The following PHACTR3 variants were observed in gnomAD, a reference collection of about 807,000 sequenced individuals.
PHACTR3 encodes phosphatase and actin regulator 3.
Under a neutral mutation model 66.8 loss-of-function variants are expected in PHACTR3, and 16 were observed. The ratio of observed to expected loss-of-function variants is 0.24; its 90% CI spans 0.16 to 0.36. The LOEUF (loss-of-function observed/expected upper bound fraction) is 0.36. Among genes scored for constraint, PHACTR3 ranks in the 10% least tolerant of loss-of-function variants. The probability of loss-of-function intolerance (pLI) is 1.00; values close to 1 mark genes in which losing one functional copy is unlikely to be tolerated. For synonymous variants in PHACTR3, 323 were observed against 292.1 expected (o/e 1.11, Z -1.08); for missense variants, 647 against 719.9 (o/e 0.90, Z 1.16).
intron 1 of PHACTR3, among the ~76,000 whole-genome samples, chr20:59,675,438 AG>A (rs2036421658): frequency 6.6e-6 from 1 of 152,080 alleles, no homozygotes; most frequent in African/African-American, 2.4e-5. Flanking sequence ...TTGGGGTGTC[AG>A]GGGGCAACTA....
chr20:59,686,544 C>T (rs1282438372), intron 1 of PHACTR3, among the ~76,000 whole-genome samples: 4 of 113,710 alleles, frequency 3.5e-5, no homozygotes, highest in Admixed American at 8.2e-5. Context: ...TGATGATGGT[C>T]GTGATGATGA....
chr20:59,827,719 C>T (rs570603865), intron 8 of PHACTR3, among the ~76,000 whole-genome samples: 3 of 152,160 alleles, frequency 2.0e-5, no homozygotes, highest in Admixed American at 6.5e-5. Context: ...ACATATTTCT[C>T]CTGCAGGGTG....
intron 4 of PHACTR3, 25 bp downstream of exon 4, chr20:59,755,389 T>C: frequency 6.2e-7 from 1 of 1,608,874 alleles, no homozygotes. Context: ...CCACGCGAAG[T>C]TGAGCTGCTC....
intron 1 of PHACTR3, among the ~76,000 whole-genome samples, chr20:59,636,813 G>A (rs958590480): frequency 6.6e-6 from 1 of 152,194 alleles, no homozygotes; most frequent in African/African-American, 2.4e-5. Flanking sequence ...GAGCAAAGAT[G>A]ATAAACAGAA....
upstream of PHACTR3, among the ~76,000 whole-genome samples, chr20:59,602,219 A>G (rs2033497114): frequency 6.6e-6 from 1 of 152,072 alleles, no homozygotes; most frequent in Non-Finnish European, 1.5e-5. Flanking sequence ...GGTCCCCCCC[A>G]CCAATGCCAG....
intron 1 of PHACTR3, among the ~76,000 whole-genome samples, chr20:59,619,388 G>A (rs1200771504): frequency 6.6e-6 from 1 of 152,132 alleles, no homozygotes; most frequent in Non-Finnish European, 1.5e-5. Flanking sequence ...ACCTCTAGGA[G>A]CTGAGAGTGG....
intron 1 of PHACTR3, among the ~76,000 whole-genome samples, chr20:59,672,440 G>A (rs565058251): frequency 1.1e-4 from 16 of 152,264 alleles, no homozygotes; most frequent in Admixed American, 5.9e-4. Context: ...CTCAGTGGTC[G>A]GGGTTGCAGC....
upstream of PHACTR3, among the ~76,000 whole-genome samples, chr20:59,603,225 G>A (rs1432269761): frequency 2.0e-5 from 3 of 152,010 alleles, no homozygotes; most frequent in Admixed American, 6.5e-5. Flanking sequence ...GACCATTCTC[G>A]GCTTCACCCT....
chr20:59,688,736 T>G (rs1281092112), intron 1 of PHACTR3, among the ~76,000 whole-genome samples: 1 of 152,208 alleles, frequency 6.6e-6, no homozygotes, highest in East Asian at 1.9e-4. Flanking sequence ...ACATCGTTGT[T>G]TGGAACACAG....
chr20:59,747,509 T>C (rs1024640781), intron 2 of PHACTR3, among the ~76,000 whole-genome samples: 20 of 152,222 alleles, frequency 1.3e-4, no homozygotes, highest in African/African-American at 4.8e-4. Context: ...TCCAGATAAA[T>C]CACAGAAATG....
chr20:59,768,377 C>T (rs750392011), intron 5 of PHACTR3, among the ~76,000 whole-genome samples: 4 of 152,190 alleles, frequency 2.6e-5, no homozygotes, highest in Admixed American at 1.3e-4. Flanking sequence ...TGATTAACCA[C>T]CATCAATAAT....
intron 9 of PHACTR3, among the ~76,000 whole-genome samples, chr20:59,839,286 A>C (rs935204773): frequency 6.6e-6 from 1 of 152,220 alleles, no homozygotes; most frequent in African/African-American, 2.4e-5. Context: ...GGATTTCATT[A>C]CCTTTTCTAA....
At chr20:59,665,476 G>C (rs560149896) in intron 1 of PHACTR3, among the ~76,000 whole-genome samples, 1 of 152,286 alleles carries the variant, frequency 6.6e-6, no homozygotes, top group African/African-American at 2.4e-5. Flanking sequence ...TTAGCACCTT[G>C]CTCAAGCCAA....
At position 59,605,102 on chromosome 20, in the gene PHACTR3, ACCT is replaced by A. The variant is rs1434908743; in HGVS notation, c.94_96del (p.Ser32del). Reference sequence around the variant, plus strand: ...CAGCGTCCTCACCGACTCCTCGGCCACCTCCTCCGCGGACGCCGGGGAGAACCC... The same window carrying A: ...CAGCGTCCTCACCGACTCCTCGGCCACCTCCGCGGACGCCGGGGAGAACCC... On this transcript the variant is annotated inframe_deletion, in exon 1 of 13. Transcript: ENST00000371015. 41 of 1,351,310 alleles carry A rather than the reference ACCT, an allele frequency of 3.0e-5. No individual in the cohort carries two copies. Among genetic ancestry groups the A allele is most frequent in the Non-Finnish European group, 3.5e-5 (37 of 1,043,092 alleles). The allele number at this position is 1,351,310 out of a possible 1,614,324, so 83.7% of individuals were successfully genotyped here. A position where few individuals can be genotyped will look rare whatever the true frequency, so the allele number is the denominator to read the frequency against.
At chr20:59,683,212 G>A (rs896107088) in intron 1 of PHACTR3, among the ~76,000 whole-genome samples, 1 of 152,118 alleles carries the variant, frequency 6.6e-6, no homozygotes, top group Non-Finnish European at 1.5e-5. Flanking sequence ...GCCTATGAGG[G>A]GAAGGCCGTG....
At chr20:59,581,473 C>T (rs2032854933) in intron 1 of PHACTR3, among the ~76,000 whole-genome samples, 1 of 152,214 alleles carries the variant, frequency 6.6e-6, no homozygotes, top group Non-Finnish European at 1.5e-5. Context: ...GTCCAAATCC[C>T]CACGCAGCTG....
At chr20:59,660,036 G>A (rs113983758) in intron 1 of PHACTR3, among the ~76,000 whole-genome samples, 9 of 152,136 alleles carry the variant, frequency 5.9e-5, no homozygotes, top group Non-Finnish European at 8.8e-5. Flanking sequence ...ATAATTGAAT[G>A]TCCGGAGTTC....
In PHACTR3 at chr20:59,820,080, T is replaced by G; in HGVS notation, c.1328+13886T>G. ...CTTTGTTTAGAAATCTCAGGGCAAGTGGAGATCAGGTCTGTTCTGCACAGA... is the reference window on the plus strand; with the variant it reads ...CTTTGTTTAGAAATCTCAGGGCAAGGGGAGATCAGGTCTGTTCTGCACAGA... On this transcript the variant is annotated intron_variant, in intron 8 of 12. Coordinates refer to ENST00000371015, the MANE Select transcript of PHACTR3 (RefSeq NM_080672.5). This position sits in a 1 kb window ranked among gnomAD's most constrained non-coding sequence, Gnocchi z 4.6. 6.6e-6 allele frequency among the ~76,000 whole-genome samples: 1 copy of G among 152,176 alleles called. No homozygotes were observed. The highest frequency in any genetic ancestry group is 1.9e-4 in the East Asian group (1 of 5,178).
intron 7 of PHACTR3, among the ~76,000 whole-genome samples, chr20:59,783,195 T>C (rs555541845): frequency 6.6e-6 from 1 of 152,238 alleles, no homozygotes; most frequent in East Asian, 1.9e-4. Context: ...GGCTAGAGAT[T>C]TGAAAGGCTG....
Sources: allele counts gnomAD v4.1 joint callset (sites outside exome capture counted in the v4.1 genomes callset), GRCh38; gene constraint gnomAD v4.1.1; non-coding constraint Gnocchi (gnomAD v3.1); transcripts MANE v1.5; gene names NCBI Gene and HGNC (gene_info 2026-07-23, HGNC 2026-07-21).